ERCC6: variants seen among roughly 807,000 people sequenced by gnomAD.
ERCC6 encodes DNA excision repair protein ERCC-6.
A neutral mutation model predicts 158.7 loss-of-function variants in ERCC6; 116 were observed. That is an observed-to-expected ratio of 0.73 (90% CI 0.63 to 0.85). ERCC6 has a LOEUF of 0.85. Ranked by LOEUF, ERCC6 falls within the 40% of genes least tolerant of loss-of-function variation. ERCC6 has a pLI of 0.00. For synonymous variants in ERCC6, 678 were observed against 659.3 expected, an observed-to-expected ratio of 1.03 and a Z score of -0.43; for missense variants, 1,698 against 1,799.4, an observed-to-expected ratio of 0.94 and a Z score of 1.02.
Position 49,456,047 on chromosome 10 carries a change from T to G in ERCC6, c.*2768A>C, listed in dbSNP as rs1339605701. ...AATAGAAATGTCTTGCATATAATAT[T>G]AAATGAAAAGTTAGTTGCAAAATAA... is the stretch of plus-strand genomic sequence containing the variant. On this transcript the variant is annotated 3_prime_UTR_variant, in exon 21 of 21. Coordinates refer to ENST00000355832, the MANE Select transcript of ERCC6 (RefSeq NM_000124.4). 1 of 152,226 alleles carries G rather than the reference T, an allele frequency of 6.6e-6. No individual in the cohort carries two copies. The highest frequency in any genetic ancestry group is 1.5e-5 in the Non-Finnish European group (1 of 68,040). The allele number at this position is 152,226 out of a possible 1,614,324, so 9.4% of individuals were successfully genotyped here.
In ERCC6 at chr10:49,461,542, C is replaced by T. The variant is rs781243820; in HGVS notation, c.3793G>A (p.Val1265Ile). 3.4e-5 allele frequency: 55 copies of T among 1,613,644 alleles called. No individual in the cohort carries two copies. Among genetic ancestry groups the T allele is most frequent in the African/African-American group, 1.6e-4 (12 of 74,926 alleles). The change falls in exon 19 of 21, where the codon GTC becomes ATC. Residue 1265 changes from valine (V) to isoleucine (I), a missense_variant. By Grantham distance (29) the Val-to-Ile change is conservative. Transcript: ENST00000355832. ...TCCATGATGGCATCGTGCTTCATGACACTGTGCACGCCAACTAGCAAGAAA... is the reference window on the plus strand; with the variant it reads ...TCCATGATGGCATCGTGCTTCATGATACTGTGCACGCCAACTAGCAAGAAA... The part of the protein sequence containing the change: ...LFKKSVGVHS[V>I]MKHDAIMDGA...
intron 18 of ERCC6, among the ~76,000 whole-genome samples, chr10:49,462,789 C>A (rs1169147541): frequency 6.6e-6 from 1 of 152,200 alleles, no homozygotes; most frequent in Non-Finnish European, 1.5e-5. Context: ...TCTCACCTAT[C>A]AGATTGGGAA....
chr10:49,522,264 TAG>T (rs1266018330), intron 5 of ERCC6, among the ~76,000 whole-genome samples: 5 of 152,196 alleles, frequency 3.3e-5, no homozygotes, highest in African/African-American at 9.7e-5. Context: ...TAACAAAATA[TAG>T]AGAGACTGGC....
chr10:49,493,005 G>GA lies in ERCC6; in HGVS notation c.1821+111dup, dbSNP rs200862492. ...AATAATAAATTAACTTTAAATGCAG[G>GA]AAAAAAAACACAGGAATATACATTT... is the stretch of plus-strand genomic sequence containing the variant. On this transcript the variant is annotated intron_variant, in intron 8 of 20. Coordinates refer to ENST00000355832, the MANE Select transcript of ERCC6 (RefSeq NM_000124.4). The GA allele has an allele frequency of 4.9e-4, 549 of 1,130,738 alleles. No homozygotes were observed. The African/African-American group carries it at 5.4e-3, about 11-fold the overall frequency. The allele number at this position is 1,130,738 out of a possible 1,614,324, so 70.0% of individuals were successfully genotyped here.
chr10:49,523,965 A>G (rs1837241514), intron 5 of ERCC6, 68 bp downstream of exon 5: 1 of 1,596,798 alleles, frequency 6.3e-7, no homozygotes. Context: ...GAATGCTTAC[A>G]TATTAATAAA....
At chr10:49,503,145 G>A (rs944988083) in intron 6 of ERCC6, 6 of 152,006 alleles carry the variant, frequency 3.9e-5, no homozygotes, top group African/African-American at 1.5e-4. Context: ...TTTTTGCTTG[G>A]GGCTCATCAA....
intron 4 of ERCC6, among the ~76,000 whole-genome samples, chr10:49,527,124 G>A (rs565359307): frequency 2.6e-5 from 4 of 152,274 alleles, no homozygotes; most frequent in African/African-American, 9.6e-5. Context: ...GGATAAAAAG[G>A]GGCTCTTGGA....
chr10:49,447,407 G>A, the ERCC6 span, among the ~76,000 whole-genome samples: 2 of 152,104 alleles, frequency 1.3e-5, no homozygotes, highest in Non-Finnish European at 2.9e-5. Flanking sequence ...TCACTCCCCA[G>A]CTGGGCGTGG....
chr10:49,483,503 C>T lies in ERCC6; in HGVS notation c.1835G>A (p.Arg612Gln), dbSNP rs201894064. The change falls in exon 9 of 21, where the codon CGA becomes CAA. Residue 612 changes from arginine to glutamine, a missense_variant. Arg to Gln is a conservative substitution (Grantham distance 43). Coordinates refer to ENST00000355832, the MANE Select transcript of ERCC6 (RefSeq NM_000124.4). ...AATTCCATGACAATGAGCAACATCT[C>T]GAATTAGTTTCTCCTGAGACCACAA... Reference protein sequence around the residue: ...SYTHKKEKLIRDVAHCHGILI... With the variant: ...SYTHKKEKLIQDVAHCHGILI... 5.5e-5 allele frequency: 89 copies of T among 1,613,978 alleles called. No individual in the cohort carries two copies. The highest frequency in any genetic ancestry group is 3.0e-4 in the South Asian group (27 of 91,066).
chr10:49,472,566 C>T (rs1173250727), intron 15 of ERCC6, 96 bp from the exon 16 acceptor site: 7 of 1,292,246 alleles, frequency 5.4e-6, no homozygotes, highest in Middle Eastern at 2.0e-4. Context: ...ACCTGTCACT[C>T]CCAGAGTTAG....
chr10:49,481,369 T>A (rs986720415), intron 10 of ERCC6, among the ~76,000 whole-genome samples: 2 of 152,252 alleles, frequency 1.3e-5, no homozygotes, highest in Non-Finnish European at 2.9e-5. Context: ...AACAGGAGAT[T>A]CAGAGAAAGA....
chr10:49,526,746 G>A (rs1047171411), intron 4 of ERCC6, among the ~76,000 whole-genome samples: 1 of 152,110 alleles, frequency 6.6e-6, no homozygotes, highest in African/African-American at 2.4e-5. Context: ...ATACTTTCTG[G>A]GTGACTTTAC....
the ERCC6 span, among the ~76,000 whole-genome samples, chr10:49,442,540 G>A: frequency 6.6e-6 from 1 of 152,248 alleles, no homozygotes; most frequent in Non-Finnish European, 1.5e-5. Context: ...GCATTAGTCA[G>A]ATTTTTCCTG....
rs1248858987 is a variant in ERCC6 at position 49,481,591 on chromosome 10, C to T, written c.2169+1096G>A. On this transcript the variant is annotated intron_variant, in intron 10 of 20. Coordinates refer to ENST00000355832, the MANE Select transcript of ERCC6 (RefSeq NM_000124.4). ...ACAGGCCCACCCAAGAAGGGATGCA[C>T]AGAAACCGTGCCTCCCACCCAGGCT... is the stretch of plus-strand genomic sequence containing the variant. 3.3e-5 allele frequency among the ~76,000 whole-genome samples: 5 copies of T among 152,284 alleles called. No homozygotes were observed. The East Asian group carries it at 7.7e-4, about 24-fold the overall frequency.
At chr10:49,535,706 G>A (rs1837580158) in intron 1 of ERCC6, among the ~76,000 whole-genome samples, 1 of 152,160 alleles carries the variant, frequency 6.6e-6, no homozygotes, top group African/African-American at 2.4e-5. Flanking sequence ...GTAGTGTAAA[G>A]ACAAGGTTAA....
rs779902195 is a variant in ERCC6 at position 49,470,900 on chromosome 10, GA to G, written c.3071-12del. 9.3e-6 allele frequency: 15 copies of G among 1,613,560 alleles called. No homozygotes were observed. Among genetic ancestry groups the G allele is most frequent in the Middle Eastern group, 1.7e-4 (1 of 6,060 alleles). ...CATCTGATCCAGTTCCTGTAAAGAG[GA>G]AAAACACCACTAATACTATATTGTA... is the stretch of plus-strand genomic sequence containing the variant. On this transcript the variant is annotated splice_polypyrimidine_tract_variant and intron_variant, in intron 17 of 20. Coordinates refer to ENST00000355832, the MANE Select transcript of ERCC6 (RefSeq NM_000124.4).
chr10:49,489,169 T>C (rs918350881), intron 8 of ERCC6, among the ~76,000 whole-genome samples: 3 of 152,224 alleles, frequency 2.0e-5, no homozygotes, highest in African/African-American at 7.2e-5. Context: ...AAGGTCTAGA[T>C]GATCTTGAAT....
At chr10:49,446,250 C>T in the ERCC6 span, among the ~76,000 whole-genome samples, 1 of 136,898 alleles carries the variant, frequency 7.3e-6, no homozygotes, top group South Asian at 2.9e-4. Context: ...CACACACACA[C>T]ACACACACCC....
intron 7 of ERCC6, among the ~76,000 whole-genome samples, chr10:49,493,733 G>A (rs1031264261): frequency 6.6e-6 from 1 of 152,168 alleles, no homozygotes; most frequent in African/African-American, 2.4e-5. Flanking sequence ...CTCCACTGAT[G>A]GGGGCTCATA....
Sources: gnomAD v4.1 joint callset for allele counts (sites outside exome capture counted in the v4.1 genomes callset) on GRCh38, gnomAD v4.1.1 for gene constraint, MANE v1.5 for transcripts, NCBI Gene and HGNC (gene_info 2026-07-23, HGNC 2026-07-21) for gene names.